Variants in PACRG observed in about 807,000 individuals in gnomAD.
The protein encoded by PACRG is parkin coregulated.
PACRG carries 29 observed loss-of-function variants against 29.7 expected under a neutral mutation model. The observed-to-expected ratio is 0.98, with a 90% CI of 0.73 to 1.33. The LOEUF (loss-of-function observed/expected upper bound fraction) is 1.33. PACRG is among the 40% of genes most tolerant of loss of function. The pLI is 0.00. For synonymous variants in PACRG, 116 were observed against 118.7 expected, an observed-to-expected ratio of 0.98 and a Z score of 0.15; for missense variants, 279 against 316.2, an observed-to-expected ratio of 0.88 and a Z score of 0.89.
chr6:162,835,430 G>A (rs566141158), intron 2 of PACRG, among the ~76,000 whole-genome samples: 1 of 152,150 alleles, frequency 6.6e-6, no homozygotes, highest in African/African-American at 2.4e-5. Flanking sequence ...GCACTGTCTT[G>A]AGTCATTGGA....
At chr6:162,898,298 C>T (rs1457875939) in intron 2 of PACRG, among the ~76,000 whole-genome samples, 3 of 152,130 alleles carry the variant, frequency 2.0e-5, no homozygotes, top group Non-Finnish European at 4.4e-5. Flanking sequence ...GAGTCCCAAG[C>T]GTAGGTTGAA....
chr6:163,170,041 C>T (rs2128346451), intron 4 of PACRG, among the ~76,000 whole-genome samples: 1 of 152,158 alleles, frequency 6.6e-6, no homozygotes, highest in Non-Finnish European at 1.5e-5. Flanking sequence ...TTCATTTCAC[C>T]CCAATTACCT....
intron 2 of PACRG, among the ~76,000 whole-genome samples, chr6:162,915,970 A>G (rs1419146446): frequency 6.6e-6 from 1 of 152,200 alleles, no homozygotes; most frequent in African/African-American, 2.4e-5. Context: ...TTACCCAGAT[A>G]GGAATCATTT....
At chr6:163,277,675 G>GTATCTATATCTATATCTA (rs890258580) in intron 4 of PACRG, among the ~76,000 whole-genome samples, 1 of 146,146 alleles carries the variant, frequency 6.8e-6, no homozygotes, top group South Asian at 2.1e-4. Context: ...ATATATATCT[G>GTATCTATATCTATATCTA]TATCTATATC....
chr6:163,014,555 A>G (rs1805911941), intron 2 of PACRG, among the ~76,000 whole-genome samples: 2 of 151,294 alleles, frequency 1.3e-5, no homozygotes, highest in East Asian at 3.9e-4. Context: ...AGCCATTCTG[A>G]CTGGTATGAG....
At chr6:162,789,554 G>T (rs577698712) in intron 1 of PACRG, among the ~76,000 whole-genome samples, 177 of 152,188 alleles carry the variant, frequency 1.2e-3, no homozygotes, top group Non-Finnish European at 1.9e-3. Context: ...TTTCTTTACA[G>T]AGATGAAAAG....
chr6:162,742,802 G>A (rs1329706204), intron 1 of PACRG, among the ~76,000 whole-genome samples: 1 of 152,006 alleles, frequency 6.6e-6, no homozygotes, highest in African/African-American at 2.4e-5. Flanking sequence ...AAACATGAGA[G>A]TGAAGCTATC....
intron 2 of PACRG, among the ~76,000 whole-genome samples, chr6:163,057,366 G>A (rs1810686586): frequency 6.6e-6 from 1 of 152,130 alleles, no homozygotes; most frequent in African/African-American, 2.4e-5. Context: ...CATTATACTT[G>A]GCCTGGTTAT....
At chr6:162,837,760 C>G (rs1033868175) in intron 2 of PACRG, among the ~76,000 whole-genome samples, 1 of 152,076 alleles carries the variant, frequency 6.6e-6, no homozygotes, top group Non-Finnish European at 1.5e-5. Flanking sequence ...AGTCATACAC[C>G]TCAGCACATG....
chr6:162,740,592 C>T (rs1307028511), intron 1 of PACRG, among the ~76,000 whole-genome samples: 1 of 132,000 alleles, frequency 7.6e-6, no homozygotes, highest in Non-Finnish European at 1.6e-5. Context: ...GCTGGGATTA[C>T]AGGCATGAGC....
intron 2 of PACRG, among the ~76,000 whole-genome samples, chr6:162,872,004 T>G (rs1013592013): frequency 6.6e-6 from 1 of 152,148 alleles, no homozygotes; most frequent in Non-Finnish European, 1.5e-5. Context: ...TTCCAAACAC[T>G]GTAAGATATG....
chr6:163,196,220 C>G (rs1214228042), intron 4 of PACRG, among the ~76,000 whole-genome samples: 2 of 152,250 alleles, frequency 1.3e-5, no homozygotes, highest in Non-Finnish European at 2.9e-5. Context: ...CATGGAGACT[C>G]TAATCAATGA....
At chr6:163,151,128 T>A (rs1778071945) in intron 4 of PACRG, among the ~76,000 whole-genome samples, 1 of 152,218 alleles carries the variant, frequency 6.6e-6, no homozygotes, top group Non-Finnish European at 1.5e-5. Context: ...GACTGCAATT[T>A]GATAAACTTT....
chr6:162,829,170 G>A (rs1788532301), intron 2 of PACRG, among the ~76,000 whole-genome samples: 2 of 152,168 alleles, frequency 1.3e-5, no homozygotes, highest in South Asian at 4.1e-4. Flanking sequence ...AAAACAAACA[G>A]GAAATGATGA....
chr6:163,145,625 T>C (rs1777762673), intron 4 of PACRG, among the ~76,000 whole-genome samples: 1 of 152,206 alleles, frequency 6.6e-6, no homozygotes, highest in African/African-American at 2.4e-5. Context: ...AGGCTGGCCA[T>C]GCTGCTGAAC....
At chr6:162,836,385 A>G (rs907146788) in intron 2 of PACRG, among the ~76,000 whole-genome samples, 10 of 152,072 alleles carry the variant, frequency 6.6e-5, no homozygotes, top group African/African-American at 2.4e-4. Flanking sequence ...ATTCTCCTCA[A>G]TATCCATAAC....
At chr6:163,185,391 G>A (rs1384546409) in intron 4 of PACRG, among the ~76,000 whole-genome samples, 1 of 152,210 alleles carries the variant, frequency 6.6e-6, no homozygotes, top group African/African-American at 2.4e-5. Flanking sequence ...CTGAAGTTCA[G>A]CATGAGTAAA....
At chr6:163,252,146 C>G (rs1324188799) in intron 4 of PACRG, among the ~76,000 whole-genome samples, 2 of 152,224 alleles carry the variant, frequency 1.3e-5, no homozygotes, top group African/African-American at 4.8e-5. Context: ...AATTACCCCA[C>G]AAGACGGGTG....
intron 1 of PACRG, among the ~76,000 whole-genome samples, chr6:162,760,231 TG>T (rs1782240794): frequency 6.6e-6 from 1 of 152,168 alleles, no homozygotes; most frequent in South Asian, 2.1e-4. Flanking sequence ...AGGTGTCAGC[TG>T]TCAGCCATGG....
Sources: allele counts gnomAD v4.1 joint callset (sites outside exome capture counted in the v4.1 genomes callset), GRCh38; gene constraint gnomAD v4.1.1; transcripts MANE v1.5; gene names NCBI Gene and HGNC (gene_info 2026-07-23, HGNC 2026-07-21).